UBR4: variants seen among roughly 807,000 people sequenced by gnomAD.
The protein encoded by UBR4 is ubiquitin protein ligase E3 component n-recognin 4.
UBR4 carries 124 observed loss-of-function variants against 575.6 expected under a neutral mutation model. The observed-to-expected ratio is 0.22, with a 90% CI of 0.19 to 0.25. The LOEUF (loss-of-function observed/expected upper bound fraction) is 0.25, where lower values mean the gene tolerates loss of function less well. Ranked by LOEUF, UBR4 falls within the 10% of genes least tolerant of loss-of-function variation. The pLI is 1.00. For synonymous variants in UBR4, 2,455 were observed against 2,473.7 expected (o/e 0.99, Z 0.22); for missense variants, 4,818 against 6,478.8 (o/e 0.74, Z 8.80).
rs1240740519 is a variant in UBR4, at chr1:19,120,301, T to A, written c.10189A>T (p.Asn3397Tyr). ...TTATCGGCAAATTTGTTCAGCTGGT[T>A]CACCAGAGCTGTGCACAGCTGGTCC... ...QEDQLCTALV[N>Y]QLNKFADKET... The change falls in exon 69 of 106, where the codon AAC becomes TAC. Residue 3397 changes from asparagine (N) to tyrosine (Y), a missense_variant. Asn to Tyr is a moderately radical substitution (Grantham distance 143). This residue lies in a region of UBR4 where 550 missense variants were observed against 791.5 expected (regional missense o/e 0.69). Coordinates refer to ENST00000375254, the MANE Select transcript of UBR4 (RefSeq NM_020765.3). 1 of 1,614,130 alleles carries A rather than the reference T, an allele frequency of 6.2e-7. No homozygotes were observed. The highest frequency in any genetic ancestry group is 1.7e-5 in the Admixed American group (1 of 60,022).
At chr1:19,151,236 G>T in intron 48 of UBR4, 1 of 328,928 alleles carries the variant, frequency 3.0e-6, no homozygotes, top group Non-Finnish European at 5.7e-6. Context: ...TTTGTATTCT[G>T]AGAGTTTAGT....
rs1432835207 is a variant in UBR4 at position 19,192,352 on chromosome 1, A to G, written c.1230T>C (p.Gly410=). Residue 410 remains glycine, a synonymous_variant, in exon 11 of 106, where the codon GGT becomes GGC. Coordinates refer to ENST00000375254, the MANE Select transcript of UBR4 (RefSeq NM_020765.3). ...GEHYQNFQLL[G]AWCLLNSLFL... ...AAAGGCTGTTTAACAAGCACCAAGC[A>G]CCCAGCAATTGGAAATTCTGATAGT... 1 of 1,614,148 alleles carries G rather than the reference A, an allele frequency of 6.2e-7. No individual in the cohort carries two copies. Among genetic ancestry groups the G allele is most frequent in the South Asian group, 1.1e-5 (1 of 91,072 alleles).
In UBR4 at chr1:19,153,728, G is replaced by C. The variant is rs1161809147; in HGVS notation, c.6630+40C>G. The stretch of plus-strand genomic sequence containing the variant: ...ATATACAAACATAAAAAGAGACCAG[G>C]TTCACAGCAAAGTAATGAATGGGAA... On this transcript the variant is annotated intron_variant, in intron 45 of 105. Coordinates refer to ENST00000375254, the MANE Select transcript of UBR4 (RefSeq NM_020765.3). The surrounding 1 kb of genome is among the most constrained non-coding windows in gnomAD (Gnocchi z 4.1). The C allele has an allele frequency of 1.3e-6, 2 of 1,594,470 alleles. No individual in the cohort carries two copies.
At position 19,118,880 on chromosome 1, in the gene UBR4, G is replaced by A; in HGVS notation, c.10533C>T (p.Asn3511=). The change falls in exon 71 of 106, where the codon AAC becomes AAT. Residue 3511 remains asparagine, a synonymous_variant. Transcript: ENST00000375254. ...AGCAAAACAAAGCTCACTTATAAAT[G>A]TTCGAGTTGGGGTGGTTGGTAAGAA... ...NHILTNHPNS[N]IYNTLSGLVE... 1.2e-6 allele frequency: 2 copies of A among 1,614,140 alleles called. No homozygotes were observed. Among genetic ancestry groups the A allele is most frequent in the Admixed American group, 1.7e-5 (1 of 60,024 alleles).
intron 87 of UBR4, among the ~76,000 whole-genome samples, chr1:19,102,805 A>G (rs959699941): frequency 2.0e-5 from 3 of 152,078 alleles, no homozygotes; most frequent in Non-Finnish European, 4.4e-5. Flanking sequence ...TAGTACCCCA[A>G]AGAGCTACAC....
At chr1:19,208,488 A>G (rs1037885381) in intron 1 of UBR4, among the ~76,000 whole-genome samples, 1 of 148,618 alleles carries the variant, frequency 6.7e-6, no homozygotes, top group Non-Finnish European at 1.5e-5. Flanking sequence ...AAAAAAAAAA[A>G]AGAGATCTTG....
intron 102 of UBR4, among the ~76,000 whole-genome samples, chr1:19,083,277 T>TA (rs2076699916): frequency 1.3e-5 from 2 of 152,312 alleles, no homozygotes. Flanking sequence ...CTGCGTGTTT[T>TA]AACAATGAAG....
chr1:19,114,239 T>A (rs1261684219), intron 75 of UBR4, among the ~76,000 whole-genome samples, 169 bp from the exon 76 acceptor site: 1 of 152,220 alleles, frequency 6.6e-6, no homozygotes, highest in Non-Finnish European at 1.5e-5. Context: ...GGGTATATTA[T>A]TTCTAATAAA....
rs766414381 is a variant in UBR4, at chr1:19,105,168, T to G, written c.12525A>C (p.Ile4175=). The stretch of plus-strand genomic sequence containing the variant: ...GGTACTCAGCTGCACACTCCCCAGC[T>G]ATGCTCAGCTCATCCAGGTAACTGC... ...LLTSYLDELS[I]AGECAAEYLA... The change falls in exon 85 of 106, where the codon ATA becomes ATC. Residue 4175 remains isoleucine (I), a synonymous_variant. Coordinates refer to ENST00000375254, the MANE Select transcript of UBR4 (RefSeq NM_020765.3). The G allele has an allele frequency of 1.5e-5, 24 of 1,613,404 alleles. No homozygotes were observed. Among genetic ancestry groups the G allele is most frequent in the Non-Finnish European group, 1.9e-5 (23 of 1,179,784 alleles).
chr1:19,078,964 C>T (rs961954320), intron 103 of UBR4: 39 of 152,114 alleles, frequency 2.6e-4, no homozygotes, highest in Admixed American at 2.5e-3. Context: ...CCAAGCTCTA[C>T]GGAGGTTTTG....
intron 42 of UBR4, among the ~76,000 whole-genome samples, chr1:19,156,033 G>A (rs1413252136): frequency 6.6e-6 from 1 of 152,132 alleles, no homozygotes; most frequent in African/African-American, 2.4e-5. Flanking sequence ...TAGAGACAGG[G>A]TCTTGCTCTA....
At chr1:19,132,584 CA>C (rs1207200676) in intron 60 of UBR4, among the ~76,000 whole-genome samples, 2 of 9,684 alleles carry the variant, frequency 2.1e-4, no homozygotes, top group Non-Finnish European at 2.2e-4. Flanking sequence ...ACAATAACAA[CA>C]AAAAAAAAGT....
At chr1:19,141,593 C>T in intron 56 of UBR4, 54 bp downstream of exon 56, 2 of 1,606,370 alleles carry the variant, frequency 1.2e-6, no homozygotes, top group East Asian at 4.5e-5. Context: ...TGAATAAGAG[C>T]TAGAGGAGAG....
intron 48 of UBR4, chr1:19,151,243 T>C (rs2085652955): frequency 6.0e-6 from 2 of 330,828 alleles, no homozygotes; most frequent in South Asian, 6.8e-5. Flanking sequence ...TCTGAGAGTT[T>C]AGTTTTCAGT....
At position 19,174,427 on chromosome 1, in the gene UBR4, G is replaced by A; in HGVS notation, c.2874C>T (p.Ser958=). The stretch of plus-strand genomic sequence containing the variant: ...AAAGCTCATCATACTTGACAAGCTT[G>A]GAGAAAAGGACGTCACATGCCTGAC... ...LDSVACDVLF[S]KLVKYDELYA... The change falls in exon 22 of 106, where the codon TCC becomes TCT. Residue 958 remains serine, a synonymous_variant. Coordinates refer to ENST00000375254, the MANE Select transcript of UBR4 (RefSeq NM_020765.3). 1 of 1,610,528 alleles carries A rather than the reference G, an allele frequency of 6.2e-7. No homozygotes were observed. Among genetic ancestry groups the A allele is most frequent in the Non-Finnish European group, 8.5e-7 (1 of 1,179,792 alleles).
intron 58 of UBR4, among the ~76,000 whole-genome samples, chr1:19,140,313 T>C (rs1410574714): frequency 2.0e-5 from 3 of 152,006 alleles, no homozygotes; most frequent in Non-Finnish European, 4.4e-5. Flanking sequence ...AAAAACCCTC[T>C]CTCTCAAGCT....
intron 29 of UBR4, 57 bp from the exon 30 acceptor site, chr1:19,165,814 C>A: frequency 1.4e-6 from 2 of 1,404,906 alleles, no homozygotes; most frequent in Admixed American, 2.2e-5. Context: ...CAATGTCCTC[C>A]TTATGGTGAT....
chr1:19,138,449 C>T (rs1247744717), intron 59 of UBR4, among the ~76,000 whole-genome samples: 1 of 152,208 alleles, frequency 6.6e-6, no homozygotes, highest in Non-Finnish European at 1.5e-5. Flanking sequence ...CTATCTCATA[C>T]TTCAGAGGAA....
intron 1 of UBR4, 68 bp from the exon 2 acceptor site, chr1:19,201,883 G>A (rs968672222): frequency 6.0e-6 from 8 of 1,333,292 alleles, no homozygotes; most frequent in Non-Finnish European, 8.5e-6. Flanking sequence ...ACCCCTTTAT[G>A]GATATTACAT....
Sources: allele counts gnomAD v4.1 joint callset (sites outside exome capture counted in the v4.1 genomes callset), GRCh38; gene constraint gnomAD v4.1.1; regional missense constraint gnomAD v4.1.1; non-coding constraint Gnocchi (gnomAD v3.1); transcripts MANE v1.5; gene names NCBI Gene and HGNC (gene_info 2026-07-23, HGNC 2026-07-21).